The following CCDC83 variants were observed in gnomAD, a reference collection of about 807,000 sequenced individuals.
The protein encoded by CCDC83 is coiled-coil domain-containing protein 83.
CCDC83 carries 54 observed loss-of-function variants against 50.1 expected under a neutral mutation model. That is an observed-to-expected ratio of 1.08 (90% CI 0.87 to 1.35). The LOEUF (loss-of-function observed/expected upper bound fraction) is 1.35. Among genes scored for constraint, CCDC83 ranks in the 40% most tolerant of loss-of-function variants. CCDC83 has a pLI of 0.00. For synonymous variants in CCDC83, 161 were observed against 153.3 expected (o/e 1.05, Z -0.37); for missense variants, 518 against 473.9 (o/e 1.09, Z -0.86).
Position 85,915,447 on chromosome 11 carries a change from C to A in CCDC83, c.823C>A (p.Leu275Ile), listed in dbSNP as rs373536001. ...ACTATATCTTACCCAAGCTGCTGGA[C>A]TAGAAGTGCCACCTGAAGAAATGTC... ...RRLYLTQAAGLEVPPEEMSLE... is the reference protein window; with the variant it reads ...RRLYLTQAAGIEVPPEEMSLE... The change falls in exon 9 of 11, where the codon CTA becomes ATA. Residue 275 changes from leucine to isoleucine, a missense_variant. Leu to Ile is a conservative substitution (Grantham distance 5). Coordinates refer to ENST00000342404, the MANE Select transcript of CCDC83 (RefSeq NM_001286159.2). 1.2e-6 allele frequency: 2 copies of A among 1,613,246 alleles called. No individual in the cohort carries two copies. Among genetic ancestry groups the A allele is most frequent in the African/African-American group, 2.7e-5 (2 of 74,874 alleles).
chr11:85,866,228 A>G (rs1180398154), intron 2 of CCDC83, among the ~76,000 whole-genome samples: 1 of 152,238 alleles, frequency 6.6e-6, no homozygotes, highest in East Asian at 1.9e-4. Context: ...CTTTTCTTGC[A>G]TAAGGCTGAA....
At chr11:85,895,429 C>T (rs777550832) in intron 6 of CCDC83, 45 bp downstream of exon 6, 2 of 1,248,238 alleles carry the variant, frequency 1.6e-6, no homozygotes, top group South Asian at 1.3e-5. Flanking sequence ...AAACATTTTC[C>T]CCCTATTTTT....
In CCDC83 at chr11:85,882,717, G is replaced by C. The variant is rs1234648016; in HGVS notation, c.343+42G>C. The C allele has an allele frequency of 1.9e-6, 3 of 1,545,502 alleles. No individual in the cohort carries two copies. The East Asian group carries it at 6.8e-5, about 35-fold the overall frequency. On this transcript the variant is annotated intron_variant, in intron 4 of 10. Transcript: ENST00000342404. ...GAAAACTATCATAGAGTTGTGCCAA[G>C]TTATTTCTTGAATATATTAATGCTT...
At chr11:85,901,416 T>C (rs757638696) in intron 7 of CCDC83, among the ~76,000 whole-genome samples, 2 of 150,890 alleles carry the variant, frequency 1.3e-5, no homozygotes, top group Non-Finnish European at 3.0e-5. Context: ...ATACAAAAAA[T>C]AGAAAAGTTA....
At chr11:85,855,176 C>G (rs1406667658), upstream of CCDC83, 1 of 152,322 alleles carries the variant, frequency 6.6e-6, no homozygotes, top group Admixed American at 6.5e-5. Context: ...GCGAGCTGTC[C>G]GCCCAGGGCC....
chr11:85,866,022 A>C (rs1272868259), intron 2 of CCDC83, among the ~76,000 whole-genome samples: 1 of 152,184 alleles, frequency 6.6e-6, no homozygotes, highest in Non-Finnish European at 1.5e-5. Context: ...GATTTACAGA[A>C]AATTCTTTTT....
At chr11:85,913,707 C>T (rs1470307276) in intron 8 of CCDC83, among the ~76,000 whole-genome samples, 1 of 152,202 alleles carries the variant, frequency 6.6e-6, no homozygotes, top group Non-Finnish European at 1.5e-5. Flanking sequence ...TCTCAACTCA[C>T]ATAGAATGTC....
At chr11:85,867,222 A>G (rs1161767502) in intron 2 of CCDC83, among the ~76,000 whole-genome samples, 1 of 152,014 alleles carries the variant, frequency 6.6e-6, no homozygotes. Context: ...GGCCCAGCTA[A>G]TTTTTTAATT....
Position 85,886,185 on chromosome 11 carries a change from C to G in CCDC83, c.344-15C>G. ...AAGGAAAACAGAAATGACACAGTGT[C>G]TTTATTTTCAACAGATATGCGCATG... is the stretch of plus-strand genomic sequence containing the variant. On this transcript the variant is annotated splice_polypyrimidine_tract_variant and intron_variant, in intron 4 of 10. Coordinates refer to ENST00000342404, the MANE Select transcript of CCDC83 (RefSeq NM_001286159.2). 2 of 1,518,452 alleles carry G rather than the reference C, an allele frequency of 1.3e-6. No homozygotes were observed. The highest frequency in any genetic ancestry group is 1.8e-6 in the Non-Finnish European group (2 of 1,133,586). The allele number at this position is 1,518,452 out of a possible 1,614,324, so 94.1% of individuals were successfully genotyped here.
At chr11:85,871,277 G>T (rs2153683237) in intron 2 of CCDC83, among the ~76,000 whole-genome samples, 1 of 152,220 alleles carries the variant, frequency 6.6e-6, no homozygotes, top group South Asian at 2.1e-4. Flanking sequence ...AGGGAATATT[G>T]GTCCATTTAA....
rs2093206236 is a variant in CCDC83 at position 85,866,289 on chromosome 11, T to A, written c.95+1071T>A. On this transcript the variant is annotated intron_variant, in intron 2 of 10. Transcript: ENST00000342404. ...AATAAATACTTGGGTGTTTACCAAG[T>A]GCAAGTCAAGTGCTGGGTACTGGAA... 5.3e-5 allele frequency among the ~76,000 whole-genome samples: 8 copies of A among 152,180 alleles called. No individual in the cohort carries two copies. The South Asian group carries it at 1.7e-3, about 32-fold the overall frequency.
intron 3 of CCDC83, among the ~76,000 whole-genome samples, chr11:85,882,132 AC>A (rs1216752314): frequency 3.0e-4 from 44 of 145,570 alleles, no homozygotes; most frequent in African/African-American, 9.6e-4. Context: ...CTCTAAAAAA[AC>A]AAAAATAATA....
At chr11:85,900,006 A>G (rs1363170115) in intron 7 of CCDC83, among the ~76,000 whole-genome samples, 2 of 152,220 alleles carry the variant, frequency 1.3e-5, no homozygotes, top group Non-Finnish European at 2.9e-5. Context: ...AATCTTCTGA[A>G]AGACAAAAAG....
intron 5 of CCDC83, 68 bp downstream of exon 5, chr11:85,886,435 G>GA: frequency 7.9e-7 from 1 of 1,267,080 alleles, no homozygotes; most frequent in Non-Finnish European, 1.1e-6. Context: ...ATTGATGGAA[G>GA]AAAAAAGTGC....
At chr11:85,917,209 G>A (rs12271538) in intron 10 of CCDC83, among the ~76,000 whole-genome samples, 7,572 of 91,098 alleles carry the variant, frequency 0.083, 412 homozygotes, top group African/African-American at 0.13. Context: ...AAAGAAAGAA[G>A]GAAAGAAAGA....
chr11:85,871,223 C>T lies in CCDC83; in HGVS notation c.96-1988C>T, dbSNP rs72951347. Among the ~76,000 whole-genome samples, 1,156 of 152,220 alleles carry T rather than the reference C, an allele frequency of 7.6e-3. 8 individuals are homozygous for T. The highest frequency in any genetic ancestry group is 0.012 in the Non-Finnish European group (832 of 68,022). On this transcript the variant is annotated intron_variant, in intron 2 of 10. Coordinates refer to ENST00000342404, the MANE Select transcript of CCDC83 (RefSeq NM_001286159.2). ...ATAATGCCTAAAACAATGCTGGGCA[C>T]CTTTCAGCTCTTTAAATCTACATTG...
chr11:85,886,890 T>A (rs909016673), intron 5 of CCDC83, among the ~76,000 whole-genome samples: 3 of 152,072 alleles, frequency 2.0e-5, no homozygotes, highest in Non-Finnish European at 4.4e-5. Context: ...CCAGCCTGGG[T>A]GACAGAGCAG....
intron 3 of CCDC83, among the ~76,000 whole-genome samples, chr11:85,874,079 T>C (rs1428492464): frequency 7.9e-5 from 12 of 152,212 alleles, no homozygotes; most frequent in Admixed American, 7.9e-4. Flanking sequence ...TGGTCAGATT[T>C]GGTATGAGCC....
chr11:85,896,826 C>CA (rs2093378042), intron 6 of CCDC83, among the ~76,000 whole-genome samples: 1 of 151,822 alleles, frequency 6.6e-6, no homozygotes, highest in Non-Finnish European at 1.5e-5. Context: ...GTGAGGTCCC[C>CA]ACTAAGATTG....
Sources: allele counts gnomAD v4.1 joint callset (sites outside exome capture counted in the v4.1 genomes callset), GRCh38; gene constraint gnomAD v4.1.1; transcripts MANE v1.5; gene names NCBI Gene and HGNC (gene_info 2026-07-23, HGNC 2026-07-21).